The following SYPL1 variants were observed in gnomAD, a reference collection of about 807,000 sequenced individuals.
SYPL1 encodes synaptophysin like 1.
In SYPL1, 6 loss-of-function variants were observed where a neutral mutation model predicts 23.7. That is an observed-to-expected ratio of 0.25 (90% CI 0.14 to 0.50). The LOEUF (loss-of-function observed/expected upper bound fraction) is 0.50, where lower values mean the gene tolerates loss of function less well. Ranked by LOEUF, SYPL1 falls within the 20% of genes least tolerant of loss-of-function variation. The pLI is 0.98. For missense variants in SYPL1, 253 were observed against 288.9 expected (o/e 0.88, Z 0.90); for synonymous variants, 102 against 104.5 (o/e 0.98, Z 0.15).
intron 1 of SYPL1, among the ~76,000 whole-genome samples, chr7:106,101,209 T>C (rs1354163692): frequency 6.6e-6 from 1 of 152,204 alleles, no homozygotes; most frequent in Admixed American, 6.5e-5. Context: ...GTACTTAATT[T>C]GTCTGTCTTT....
upstream of SYPL1, chr7:106,112,528 A>G: frequency 6.6e-7 from 1 of 1,516,402 alleles, no homozygotes; most frequent in Non-Finnish European, 8.8e-7. Context: ...GTTGGGCGCC[A>G]TACTGCGTGC....
intron 1 of SYPL1, among the ~76,000 whole-genome samples, chr7:106,105,776 G>A (rs1840562429): frequency 6.6e-6 from 1 of 152,124 alleles, no homozygotes; most frequent in African/African-American, 2.4e-5. Context: ...TGAAGGTAAG[G>A]GGAATCTCAT....
Position 106,097,839 on chromosome 7 carries a change from T to C in SYPL1, c.253A>G (p.Lys85Glu), listed in dbSNP as rs770993268. The C allele has an allele frequency of 1.2e-6, 2 of 1,613,976 alleles. No individual in the cohort carries two copies. Among genetic ancestry groups the C allele is most frequent in the Admixed American group, 3.3e-5 (2 of 60,016 alleles). The change falls in exon 3 of 5, where the codon AAA (lysine) becomes GAA (glutamate). Residue 85 changes from lysine (K) to glutamate (E), a missense_variant. By Grantham distance (56) the Lys-to-Glu change is moderately conservative. Transcript: ENST00000455385. The surrounding 1 kb of genome is among the most constrained non-coding windows in gnomAD (Gnocchi z 4.6). Reference sequence around the variant, plus strand: ...TAATCGCCTATGAGGACGTAATCTTTCCAATTTACATCACATATGTTTACA... The same window carrying C: ...TAATCGCCTATGAGGACGTAATCTTCCCAATTTACATCACATATGTTTACA... ...PGVNICDVNW[K>E]DYVLIGDYSS...
chr7:106,092,634 C>T lies in SYPL1; in HGVS notation c.591+315G>A, dbSNP rs764968274. 200 of 379,264 alleles carry T rather than the reference C, an allele frequency of 5.3e-4. 1 individual carries two copies. The highest frequency in any genetic ancestry group is 8.4e-5 in the Non-Finnish European group (17 of 201,828). 23.5% of individuals were successfully genotyped at this position (379,264 alleles called of 1,614,324 possible). A position where few individuals can be genotyped will look rare whatever the true frequency, so the allele number is the denominator to read the frequency against. On this transcript the variant is annotated intron_variant, in intron 4 of 4. Transcript: ENST00000455385. ...GTTGCAGTGTGCCGAGATCATGCCA[C>T]TGCACTCCAGTCTGAGCGACATAGC...
chr7:106,106,716 G>A (rs1840625455), intron 1 of SYPL1, among the ~76,000 whole-genome samples: 1 of 151,964 alleles, frequency 6.6e-6, no homozygotes, highest in Admixed American at 6.6e-5. Flanking sequence ...GTGGTGGTGT[G>A]TACCTGCAGT....
In SYPL1 at chr7:106,090,787, TAATC is replaced by T. The variant is rs1839690129; in HGVS notation, c.*1014_*1017del. The T allele has an allele frequency of 6.6e-6, 1 of 152,246 alleles. No individual in the cohort carries two copies. The highest frequency in any genetic ancestry group is 1.5e-5 in the Non-Finnish European group (1 of 68,038). 9.4% of individuals were successfully genotyped at this position (152,246 alleles called of 1,614,324 possible). A position where few individuals can be genotyped will look rare whatever the true frequency, so the allele number is the denominator to read the frequency against. ...GGTTCCTTTATGATGCATAATTCCTTAATCATTCATTTGTGAAACAAGAATGAAT... is the reference window on the plus strand; with the variant it reads ...GGTTCCTTTATGATGCATAATTCCTTATTCATTTGTGAAACAAGAATGAAT... On this transcript the variant is annotated 3_prime_UTR_variant, in exon 5 of 5. Transcript: ENST00000455385.
rs1790027551 is a variant in SYPL1, at chr7:106,109,327, C to A, written c.69+2813G>T. ...TGTCTTCACTTTCTTACCACACATT[C>A]ATTCAGCCTACTAAAATCTGGCTTT... On this transcript the variant is annotated intron_variant, in intron 1 of 4. Coordinates refer to ENST00000455385, the MANE Select transcript of SYPL1 (RefSeq NM_182715.4). This position sits in a 1 kb window ranked among gnomAD's most constrained non-coding sequence, Gnocchi z 4.3. 1.3e-5 allele frequency among the ~76,000 whole-genome samples: 2 copies of A among 152,212 alleles called. No individual in the cohort carries two copies. Among genetic ancestry groups the A allele is most frequent in the African/African-American group, 4.8e-5 (2 of 41,452 alleles).
chr7:106,110,130 C>T (rs1790069528), intron 1 of SYPL1, among the ~76,000 whole-genome samples: 1 of 152,072 alleles, frequency 6.6e-6, no homozygotes, highest in South Asian at 2.1e-4. Flanking sequence ...AGGAAAGGGC[C>T]CAGATTCCCA....
chr7:106,099,582 T>A (rs573615295), intron 1 of SYPL1, among the ~76,000 whole-genome samples: 5 of 152,158 alleles, frequency 3.3e-5, no homozygotes, highest in African/African-American at 1.2e-4. Flanking sequence ...TTAGTAGAGA[T>A]GAGGCCTCGC....
intron 1 of SYPL1, among the ~76,000 whole-genome samples, chr7:106,111,288 G>A (rs1461189556): frequency 6.6e-6 from 1 of 152,222 alleles, no homozygotes; most frequent in Non-Finnish European, 1.5e-5. Context: ...GGATGTAAAT[G>A]CTGCTGTCTA....
intron 1 of SYPL1, among the ~76,000 whole-genome samples, chr7:106,102,512 G>A (rs1840383352): frequency 6.6e-6 from 1 of 152,202 alleles, no homozygotes; most frequent in Non-Finnish European, 1.5e-5. Context: ...CACATGGTGT[G>A]GAATTGAGGA....
intron 2 of SYPL1, 145 bp downstream of exon 2, chr7:106,099,012 CA>C: frequency 1.0e-6 from 1 of 979,526 alleles, no homozygotes; most frequent in South Asian, 1.7e-5. Context: ...GTCTGTGTAC[CA>C]CAGTTTGGGA....
At chr7:106,099,363 T>C (rs1840195197) in intron 1 of SYPL1, 81 bp from the exon 2 acceptor site, 1 of 1,451,636 alleles carries the variant, frequency 6.9e-7, no homozygotes, top group African/African-American at 1.4e-5. Flanking sequence ...ACTAAAACTG[T>C]AAGCACACTG....
rs1182483012 is a variant in SYPL1 at position 106,109,839 on chromosome 7, C to T, written c.69+2301G>A. 6.6e-6 allele frequency among the ~76,000 whole-genome samples: 1 copy of T among 152,162 alleles called. No homozygotes were observed. The highest frequency in any genetic ancestry group is 1.5e-5 in the Non-Finnish European group (1 of 68,016). ...CAGTCCTACTGAAACTAATTTTAGG[C>T]CCTCATAATTCCTCAATCAACAGAT... is the stretch of plus-strand genomic sequence containing the variant. On this transcript the variant is annotated intron_variant, in intron 1 of 4. Transcript: ENST00000455385. This position sits in a 1 kb window ranked among gnomAD's most constrained non-coding sequence, Gnocchi z 4.3.
rs1399393937 is a variant in SYPL1 at position 106,095,860 on chromosome 7, A to G, written c.402+1830T>C. ...TTTTACGTTTCTGAATGATGCAACT[A>G]GGTCAGTTTTATAGTTTTATCAGAC... On this transcript the variant is annotated intron_variant, in intron 3 of 4. Transcript: ENST00000455385. This position sits in a 1 kb window ranked among gnomAD's most constrained non-coding sequence, Gnocchi z 4.3. Among the ~76,000 whole-genome samples the G allele has an allele frequency of 2.6e-5, 4 of 152,200 alleles. No individual in the cohort carries two copies. The highest frequency in any genetic ancestry group is 9.7e-5 in the African/African-American group (4 of 41,446).
upstream of SYPL1, chr7:106,112,499 G>T (rs751027121): frequency 1.3e-6 from 2 of 1,524,214 alleles, no homozygotes; most frequent in East Asian, 2.8e-5. Context: ...CGACTGATCC[G>T]CTGGCGAACC....
intron 1 of SYPL1, 132 bp from the exon 2 acceptor site, chr7:106,099,414 G>A (rs908101150): frequency 2.5e-5 from 29 of 1,145,782 alleles, no homozygotes; most frequent in Middle Eastern, 5.6e-4. Context: ...TTCTTTTTTT[G>A]AGACAGGGTT....
rs1416700543 is a variant in SYPL1, at chr7:106,104,057, C to A, written c.70-4775G>T. Among the ~76,000 whole-genome samples the A allele has an allele frequency of 1.3e-5, 2 of 152,110 alleles. No homozygotes were observed. Among genetic ancestry groups the A allele is most frequent in the African/African-American group, 4.8e-5 (2 of 41,408 alleles). ...TACTGCTTACTGTTCCTGAAACATA[C>A]CATGTATTTATGTCTTAAATGTATA... is the stretch of plus-strand genomic sequence containing the variant. On this transcript the variant is annotated intron_variant, in intron 1 of 4. Transcript: ENST00000455385. The surrounding 1 kb of genome is among the most constrained non-coding windows in gnomAD (Gnocchi z 4.1).
intron 1 of SYPL1, among the ~76,000 whole-genome samples, chr7:106,105,909 C>A (rs1840570005): frequency 6.6e-6 from 1 of 152,120 alleles, no homozygotes; most frequent in African/African-American, 2.4e-5. Context: ...TCAACCTTCA[C>A]AAAATTGACC....
Sources: allele counts gnomAD v4.1 joint callset (sites outside exome capture counted in the v4.1 genomes callset), GRCh38; gene constraint gnomAD v4.1.1; non-coding constraint Gnocchi (gnomAD v3.1); transcripts MANE v1.5; gene names NCBI Gene and HGNC (gene_info 2026-07-23, HGNC 2026-07-21).